The following GRIK5 variants were observed in gnomAD, a reference collection of about 807,000 sequenced individuals.
The protein encoded by GRIK5 is glutamate receptor ionotropic, kainate 5.
Under a neutral mutation model 97.4 loss-of-function variants are expected in GRIK5, and 43 were observed. That is an observed-to-expected ratio of 0.44 (90% CI 0.35 to 0.57). The LOEUF (loss-of-function observed/expected upper bound fraction) is 0.57. Ranked by LOEUF, GRIK5 falls within the 20% of genes least tolerant of loss-of-function variation. The pLI is 0.01. For missense variants in GRIK5, 1,015 were observed against 1,382.0 expected, an observed-to-expected ratio of 0.73 and a Z score of 4.21; for synonymous variants, 580 against 583.5, an observed-to-expected ratio of 0.99 and a Z score of 0.09.
chr19:42,037,394 G>A (rs780988471), intron 12 of GRIK5, among the ~76,000 whole-genome samples: 1 of 152,212 alleles, frequency 6.6e-6, no homozygotes, highest in African/African-American at 2.4e-5. Context: ...TGGAGGCAGA[G>A]GTTGCAGTGA....
chr19:42,054,657 C>T (rs888154218), intron 8 of GRIK5, among the ~76,000 whole-genome samples, 185 bp from the exon 9 acceptor site: 8 of 150,814 alleles, frequency 5.3e-5, no homozygotes, highest in African/African-American at 1.7e-4. Context: ...GAATTGACAG[C>T]GGGGAAGGTG....
chr19:42,066,832 G>A (rs887726108), intron 1 of GRIK5, among the ~76,000 whole-genome samples: 1 of 152,002 alleles, frequency 6.6e-6, no homozygotes, highest in Non-Finnish European at 1.5e-5. Context: ...AGAAAAGATA[G>A]GAACCGACTC....
At chr19:42,058,960 A>G (rs1413698373) in intron 6 of GRIK5, among the ~76,000 whole-genome samples, 1 of 152,158 alleles carries the variant, frequency 6.6e-6, no homozygotes, top group Non-Finnish European at 1.5e-5. Context: ...ACTGCCCTGC[A>G]TACTTTACCT....
At chr19:42,033,691 A>C (rs1362459564) in intron 12 of GRIK5, among the ~76,000 whole-genome samples, 1 of 152,182 alleles carries the variant, frequency 6.6e-6, no homozygotes, top group Non-Finnish European at 1.5e-5. Flanking sequence ...ATTTCACCTC[A>C]GTAAAAAAGA....
intron 19 of GRIK5, among the ~76,000 whole-genome samples, chr19:42,000,107 G>A (rs2075412417): frequency 1.3e-5 from 2 of 152,240 alleles, no homozygotes; most frequent in Admixed American, 1.3e-4. Flanking sequence ...GAGGTCAAAG[G>A]AGCAGTGGCG....
chr19:42,002,262 G>A lies in GRIK5; in HGVS notation c.2514+1070C>T, dbSNP rs781790550. The A allele has an allele frequency of 1.4e-6, 1 of 717,724 alleles. No homozygotes were observed. Among genetic ancestry groups the A allele is most frequent in the East Asian group, 2.7e-5 (1 of 37,300 alleles). The allele number at this position is 717,724 out of a possible 1,614,324, so 44.5% of individuals were successfully genotyped here. A position where few individuals can be genotyped will look rare whatever the true frequency, so the allele number is the denominator to read the frequency against. ...CCCCCACTGCTGCCAAGGCTGTAAA[G>A]AGAAGGGAAGAAAGTGGGCGGTGGC... On this transcript the variant is annotated intron_variant, in intron 19 of 19. Transcript: ENST00000593562. This position sits in a 1 kb window ranked among gnomAD's most constrained non-coding sequence, Gnocchi z 5.2.
chr19:42,062,820 G>A lies in GRIK5; in HGVS notation c.280C>T (p.Leu94Phe). 6.2e-7 allele frequency: 1 copy of A among 1,614,022 alleles called. No homozygotes were observed. ...QILPKGVVSV[L>F]GPSSSPASAS... ...GATGCTGGGCTAGAGGAGGGCCCAA[G>A]GACAGACACAACCCCTTTGGGTAAG... The change falls in exon 4 of 20, where the codon CTT becomes TTT. Residue 94 changes from leucine to phenylalanine, a missense_variant. Physicochemically the swap from Leu to Phe is conservative, Grantham distance 22. Around this residue, in one of 5 missense-constraint regions of GRIK5, gnomAD observed 198 missense variants for 218.2 expected, o/e 0.91. Transcript: ENST00000593562. This position sits in a 1 kb window ranked among gnomAD's most constrained non-coding sequence, Gnocchi z 5.3.
rs1440454415 is a variant in GRIK5, at chr19:42,021,868, G to C, written c.1697+79C>G. 2.3e-6 allele frequency: 2 copies of C among 875,202 alleles called. No individual in the cohort carries two copies. The highest frequency in any genetic ancestry group is 2.2e-5 in the Admixed American group (1 of 45,646). 54.2% of individuals were successfully genotyped at this position (875,202 alleles called of 1,614,324 possible). ...GGGGAGGCCAAGGACAGTTCCGAGA[G>C]AGAAGAGGCAGGTCGGTCCCAGAGG... is the stretch of plus-strand genomic sequence containing the variant. On this transcript the variant is annotated intron_variant, in intron 14 of 19. Transcript: ENST00000593562. This position sits in a 1 kb window ranked among gnomAD's most constrained non-coding sequence, Gnocchi z 4.2.
At position 42,003,824 on chromosome 19, in the gene GRIK5, C is replaced by T. The variant is rs2075454736; in HGVS notation, c.2264-141G>A. ...TCTTCCCTGCAGCCTCTCCTCACCC[C>T]CAGCCCAGTCTCCTCTCAACACAGC... On this transcript the variant is annotated intron_variant, in intron 17 of 19. Coordinates refer to ENST00000593562, the MANE Select transcript of GRIK5 (RefSeq NM_002088.5). This position sits in a 1 kb window ranked among gnomAD's most constrained non-coding sequence, Gnocchi z 4.2. The T allele has an allele frequency of 4.9e-6, 4 of 816,194 alleles. No individual in the cohort carries two copies. The highest frequency in any genetic ancestry group is 7.4e-6 in the Non-Finnish European group (4 of 537,378). The allele number at this position is 816,194 out of a possible 1,614,324, so 50.6% of individuals were successfully genotyped here.
chr19:42,008,556 G>A (rs2075521815), intron 15 of GRIK5, among the ~76,000 whole-genome samples: 1 of 151,572 alleles, frequency 6.6e-6, no homozygotes, highest in Non-Finnish European at 1.5e-5. Flanking sequence ...GAATCCAGGA[G>A]GTGGAGGTCG....
chr19:42,048,887 T>C (rs1415961828), intron 11 of GRIK5, among the ~76,000 whole-genome samples: 1 of 151,566 alleles, frequency 6.6e-6, no homozygotes, highest in East Asian at 1.9e-4. Context: ...AAAAAATTGT[T>C]TTTAATTAGC....
intron 12 of GRIK5, among the ~76,000 whole-genome samples, chr19:42,027,472 G>T (rs1422434989): frequency 6.6e-6 from 1 of 152,234 alleles, no homozygotes; most frequent in African/African-American, 2.4e-5. Context: ...GTGGGGCCAA[G>T]AGCCTGGCAG....
chr19:42,013,749 G>T (rs1194406098), intron 15 of GRIK5, among the ~76,000 whole-genome samples: 1 of 152,072 alleles, frequency 6.6e-6, no homozygotes. Flanking sequence ...AATGTTTGAG[G>T]TGATGGATTT....
chr19:42,045,588 C>A (rs560019448), intron 11 of GRIK5, among the ~76,000 whole-genome samples: 1 of 152,284 alleles, frequency 6.6e-6, no homozygotes, highest in African/African-American at 2.4e-5. Context: ...GTGGCCAGGT[C>A]ATAGGCTCTG....
rs1235825310 is a variant in GRIK5, at chr19:42,059,330, T to C, written c.687+19A>G. On this transcript the variant is annotated intron_variant, in intron 6 of 19. Coordinates refer to ENST00000593562, the MANE Select transcript of GRIK5 (RefSeq NM_002088.5). Reference sequence around the variant, plus strand: ...TTTCTGGCCCCAGTCCTTTGGGAAATCAGAGGTAGGGGCCTCACCTTACGG... The same window carrying C: ...TTTCTGGCCCCAGTCCTTTGGGAAACCAGAGGTAGGGGCCTCACCTTACGG... 1 of 1,591,632 alleles carries C rather than the reference T, an allele frequency of 6.3e-7. No individual in the cohort carries two copies. The highest frequency in any genetic ancestry group is 2.3e-5 in the East Asian group (1 of 44,262).
chr19:42,005,949 C>A lies in GRIK5; in HGVS notation c.2038-1G>T. On this transcript the variant is annotated splice_acceptor_variant, in intron 16 of 19. Coordinates refer to ENST00000593562, the MANE Select transcript of GRIK5 (RefSeq NM_002088.5). LOFTEE classifies it high-confidence loss of function. The stretch of plus-strand genomic sequence containing the variant: ...GCTGGTACGTTTGGTACCGTGAATT[C>A]TGGGCAGGAGGATCACAAGGGGAAG... The A allele has an allele frequency of 6.7e-7, 1 of 1,499,992 alleles. No homozygotes were observed. Among genetic ancestry groups the A allele is most frequent in the East Asian group, 2.3e-5 (1 of 43,314 alleles). The allele number at this position is 1,499,992 out of a possible 1,614,324, so 92.9% of individuals were successfully genotyped here.
intron 15 of GRIK5, among the ~76,000 whole-genome samples, chr19:42,017,939 G>T (rs931757102): frequency 1.3e-5 from 2 of 152,116 alleles, no homozygotes; most frequent in African/African-American, 4.8e-5. Flanking sequence ...TGGAAACAGG[G>T]AGGTCAGAGG....
chr19:42,007,157 C>T (rs1411838403), intron 15 of GRIK5, among the ~76,000 whole-genome samples: 4 of 151,004 alleles, frequency 2.6e-5, no homozygotes, highest in African/African-American at 7.3e-5. Flanking sequence ...TGCAGTGGCA[C>T]GATCTCAGCT....
intron 15 of GRIK5, among the ~76,000 whole-genome samples, chr19:42,017,214 GT>G (rs1466241188): frequency 1.1e-4 from 17 of 152,204 alleles, no homozygotes; most frequent in Non-Finnish European, 2.1e-4. Flanking sequence ...CAGATATCAA[GT>G]GGCAACATAA....
Sources: gnomAD v4.1 joint callset for allele counts (sites outside exome capture counted in the v4.1 genomes callset) on GRCh38, gnomAD v4.1.1 for gene constraint, gnomAD v4.1.1 regional missense constraint, Gnocchi (gnomAD v3.1) non-coding constraint, MANE v1.5 for transcripts, NCBI Gene and HGNC (gene_info 2026-07-23, HGNC 2026-07-21) for gene names.